Variants in CELF2 observed in about 807,000 individuals in gnomAD.
CELF2 encodes the protein CUGBP Elav-like family member 2, also known as CUG triplet repeat RNA-binding protein 2.
A neutral mutation model predicts 62.6 loss-of-function variants in CELF2; 8 were observed. The observed-to-expected ratio is 0.13, with a 90% confidence interval of 0.07 to 0.23. The LOEUF (loss-of-function observed/expected upper bound fraction) is 0.23. CELF2 is among the 10% of genes least tolerant of loss of function. The pLI is 1.00. For synonymous variants in CELF2, 258 were observed against 250.0 expected, an observed-to-expected ratio of 1.03 and a Z score of -0.30; for missense variants, 333 against 671.0, an observed-to-expected ratio of 0.50 and a Z score of 5.56.
intron 1 of CELF2, among the ~76,000 whole-genome samples, chr10:10,899,023 A>C (rs995755017): frequency 6.6e-6 from 1 of 152,240 alleles, no homozygotes; most frequent in Non-Finnish European, 1.5e-5. Flanking sequence ...GGTCATTAGA[A>C]AGTATTTTAA....
At chr10:10,989,433 C>G (rs1049300556) in intron 2 of CELF2, among the ~76,000 whole-genome samples, 2 of 152,066 alleles carry the variant, frequency 1.3e-5, no homozygotes, top group African/African-American at 4.8e-5. Context: ...ACATACACAT[C>G]TTACCCCAAA....
chr10:10,999,997 T>C (rs925111404), intron 2 of CELF2, among the ~76,000 whole-genome samples: 1 of 152,212 alleles, frequency 6.6e-6, no homozygotes, highest in Admixed American at 6.5e-5. Flanking sequence ...TCCACATAAA[T>C]ATTAAACGCC....
At chr10:10,869,292 G>T (rs540575339) in intron 1 of CELF2, among the ~76,000 whole-genome samples, 1 of 152,078 alleles carries the variant, frequency 6.6e-6, no homozygotes, top group African/African-American at 2.4e-5. Flanking sequence ...GGTGGGGCGC[G>T]GTGGCTCACA....
At chr10:11,081,258 A>G (rs930711372) in intron 1 of CELF2, among the ~76,000 whole-genome samples, 3 of 152,150 alleles carry the variant, frequency 2.0e-5, no homozygotes, top group African/African-American at 7.2e-5. Flanking sequence ...TTACAAAGGG[A>G]TTTTCTATTA....
In CELF2 at chr10:11,079,750, C is replaced by CT. The variant is rs1554822798; in HGVS notation, c.74+61587_74+61588insT. Among the ~76,000 whole-genome samples the CT allele has an allele frequency of 9.4e-3, 1,379 of 146,176 alleles. 21 individuals are homozygous for CT. The highest frequency in any genetic ancestry group is 0.03 in the African/African-American group (1,166 of 39,130). On this transcript the variant is annotated intron_variant, in intron 1 of 12. Coordinates refer to ENST00000633077, the MANE Select transcript of CELF2 (RefSeq NM_001326342.2). ...AGAATGGACTAATACAGCCCCCCCC[C>CT]CCTTTTTAGGCCATGGAATCTAGCA...
At chr10:10,925,960 TTC>T (rs1394571590) in intron 2 of CELF2, among the ~76,000 whole-genome samples, 1 of 152,136 alleles carries the variant, frequency 6.6e-6, no homozygotes, top group East Asian at 1.9e-4. Context: ...TCCTCACCTT[TTC>T]TAATGCATCT....
chr10:10,756,916 G>A, the CELF2 span, among the ~76,000 whole-genome samples: 1 of 152,164 alleles, frequency 6.6e-6, no homozygotes, highest in Non-Finnish European at 1.5e-5. Context: ...GGCCAAGGCA[G>A]GCAGATCATG....
At chr10:11,310,901 A>C (rs747474381) in intron 9 of CELF2, among the ~76,000 whole-genome samples, 1 of 152,172 alleles carries the variant, frequency 6.6e-6, no homozygotes, top group Non-Finnish European at 1.5e-5. Flanking sequence ...GAATACTCAT[A>C]AATCAATGAT....
intron 9 of CELF2, among the ~76,000 whole-genome samples, chr10:11,289,181 G>T (rs964931610): frequency 2.0e-5 from 3 of 150,820 alleles, no homozygotes; most frequent in African/African-American, 4.9e-5. Context: ...GTTTTGTTTT[G>T]TTTTTTTTTA....
In CELF2 at chr10:11,177,596, T is replaced by C. The variant is rs1178495625; in HGVS notation, c.271+11914T>C. Among the ~76,000 whole-genome samples the C allele has an allele frequency of 6.6e-6, 1 of 152,172 alleles. No individual in the cohort carries two copies. Among genetic ancestry groups the C allele is most frequent in the Non-Finnish European group, 1.5e-5 (1 of 68,018 alleles). ...GAGTCAGGGAGAAAACAGACCAGCC[T>C]GGTTTCACGTTCCAGACAGCATGAA... On this transcript the variant is annotated intron_variant, in intron 2 of 12. Coordinates refer to ENST00000633077, the MANE Select transcript of CELF2 (RefSeq NM_001326342.2). This position sits in a 1 kb window ranked among gnomAD's most constrained non-coding sequence, Gnocchi z 4.8.
intron 1 of CELF2, among the ~76,000 whole-genome samples, chr10:11,062,940 C>G (rs927506420): frequency 1.1e-4 from 2 of 17,810 alleles, no homozygotes; most frequent in Non-Finnish European, 1.6e-4. Flanking sequence ...TTCAGCAGCA[C>G]CCCCCCCGCC....
intron 1 of CELF2, among the ~76,000 whole-genome samples, chr10:11,021,405 A>G (rs1005511386): frequency 6.6e-6 from 1 of 152,228 alleles, no homozygotes; most frequent in South Asian, 2.1e-4. Flanking sequence ...CAAAATATCT[A>G]TCAGTGTATA....
At chr10:11,053,076 A>T (rs564448450) in intron 1 of CELF2, among the ~76,000 whole-genome samples, 2 of 152,290 alleles carry the variant, frequency 1.3e-5, no homozygotes, top group South Asian at 4.1e-4. Context: ...AACCAAGGTT[A>T]TAGCAAAGTA....
At chr10:10,913,895 G>GGAAGAAGGA (rs1564811456) in intron 1 of CELF2, among the ~76,000 whole-genome samples, 2 of 36,080 alleles carry the variant, frequency 5.5e-5, no homozygotes, top group Non-Finnish European at 7.0e-5. Context: ...AGAAGGAAGG[G>GGAAGAAGGA]AGGGAGGGAG....
intron 1 of CELF2, among the ~76,000 whole-genome samples, chr10:10,905,719 T>C (rs1295862230): frequency 6.6e-6 from 1 of 151,316 alleles, no homozygotes. Flanking sequence ...CTACTAAAAA[T>C]ACAAAAAAAT....
At chr10:10,805,777 C>G (rs2055162098) in intron 1 of CELF2, among the ~76,000 whole-genome samples, 2 of 151,930 alleles carry the variant, frequency 1.3e-5, no homozygotes, top group South Asian at 4.2e-4. Context: ...TTTTCTTGCT[C>G]CAGGAAAAAA....
chr10:10,769,933 G>A, the CELF2 span, among the ~76,000 whole-genome samples: 1 of 152,122 alleles, frequency 6.6e-6, no homozygotes, highest in African/African-American at 2.4e-5. Context: ...CTTAATTGCT[G>A]TACCACTGGA....
At chr10:10,589,373 A>C in the CELF2 span, among the ~76,000 whole-genome samples, 1 of 152,184 alleles carries the variant, frequency 6.6e-6, no homozygotes, top group Non-Finnish European at 1.5e-5. Flanking sequence ...TACCAGTCTT[A>C]AGGTCTGTGT....
intron 1 of CELF2, among the ~76,000 whole-genome samples, chr10:11,101,246 A>G (rs1408070421): frequency 6.6e-6 from 1 of 152,194 alleles, no homozygotes; most frequent in African/African-American, 2.4e-5. Flanking sequence ...GGCTTCCGAT[A>G]TGTGGGGTGA....
Sources: gnomAD v4.1 joint callset for allele counts (sites outside exome capture counted in the v4.1 genomes callset) on GRCh38, gnomAD v4.1.1 for gene constraint, Gnocchi (gnomAD v3.1) non-coding constraint, MANE v1.5 for transcripts, NCBI Gene and HGNC (gene_info 2026-07-23, HGNC 2026-07-21) for gene names.